Variants in ECHDC1 observed in about 807,000 individuals in gnomAD.
The protein encoded by ECHDC1 is ethylmalonyl-CoA decarboxylase.
In ECHDC1, 29 loss-of-function variants were observed where a neutral mutation model predicts 29.7. The observed-to-expected ratio is 0.98, with a 90% CI of 0.73 to 1.33. The LOEUF (loss-of-function observed/expected upper bound fraction) is 1.33, where lower values mean the gene tolerates loss of function less well. ECHDC1 is among the 40% of genes most tolerant of loss of function. ECHDC1 has a pLI of 0.00. For synonymous variants in ECHDC1, 126 were observed against 123.1 expected, an observed-to-expected ratio of 1.02 and a Z score of -0.15; for missense variants, 328 against 350.0, an observed-to-expected ratio of 0.94 and a Z score of 0.50.
intron 3 of ECHDC1, among the ~76,000 whole-genome samples, chr6:127,321,433 A>G (rs865907312): frequency 3.3e-5 from 5 of 152,222 alleles, no homozygotes; most frequent in African/African-American, 1.2e-4. Flanking sequence ...TCAGCTTTAC[A>G]CAGATTTATA....
At chr6:127,298,866 T>C (rs1780824288) in intron 5 of ECHDC1, among the ~76,000 whole-genome samples, 1 of 151,958 alleles carries the variant, frequency 6.6e-6, no homozygotes. Flanking sequence ...GGTTCGGGTA[T>C]TTACTGTACT....
chr6:127,323,260 A>G (rs1036448059), intron 3 of ECHDC1, among the ~76,000 whole-genome samples: 1 of 152,070 alleles, frequency 6.6e-6, no homozygotes. Flanking sequence ...TGGATAAGGG[A>G]TACTCAACCC....
chr6:127,289,228 A>G lies in ECHDC1; in HGVS notation c.*641T>C, dbSNP rs367579884. ...TCCAGGGCACACAAATGAATGTCCA[A>G]TTGTAGAATCAGTTGACTTTCCATG... is the stretch of plus-strand genomic sequence containing the variant. On this transcript the variant is annotated 3_prime_UTR_variant, in exon 6 of 6. Transcript: ENST00000454859. The G allele has an allele frequency of 1.3e-5, 2 of 152,074 alleles. No individual in the cohort carries two copies. Among genetic ancestry groups the G allele is most frequent in the Non-Finnish European group, 2.9e-5 (2 of 67,986 alleles). 9.4% of individuals were successfully genotyped at this position (152,074 alleles called of 1,614,324 possible). A position where few individuals can be genotyped will look rare whatever the true frequency, so the allele number is the denominator to read the frequency against.
chr6:127,320,220 T>G (rs1782729195), intron 3 of ECHDC1, among the ~76,000 whole-genome samples: 1 of 152,162 alleles, frequency 6.6e-6, no homozygotes, highest in South Asian at 2.1e-4. Flanking sequence ...TTTCACCATG[T>G]TGGCCAGGTT....
intron 5 of ECHDC1, among the ~76,000 whole-genome samples, chr6:127,309,536 C>CAG (rs1781724135): frequency 1.0e-5 from 1 of 95,676 alleles, no homozygotes; most frequent in Non-Finnish European, 2.1e-5. Context: ...CACACACACA[C>CAG]AGGAAAAAAT....
intron 5 of ECHDC1, among the ~76,000 whole-genome samples, chr6:127,290,789 G>GT (rs1179306008): frequency 1.3e-5 from 2 of 152,042 alleles, no homozygotes; most frequent in Non-Finnish European, 2.9e-5. Flanking sequence ...CAAAACCCTT[G>GT]TGCTCAGGAG....
chr6:127,321,740 C>T (rs1233146299), intron 3 of ECHDC1, among the ~76,000 whole-genome samples: 2 of 152,160 alleles, frequency 1.3e-5, no homozygotes, highest in African/African-American at 2.4e-5. Context: ...CAGTGGCTCA[C>T]GCCTGTAATC....
intron 1 of ECHDC1, among the ~76,000 whole-genome samples, chr6:127,332,759 C>T (rs1784076170): frequency 6.6e-6 from 1 of 152,058 alleles, no homozygotes. Flanking sequence ...GTGCATTTGT[C>T]TGAAGTTAGC....
At chr6:127,326,061 T>C (rs9375500) in intron 3 of ECHDC1, among the ~76,000 whole-genome samples, 19,911 of 152,162 alleles carry the variant, frequency 0.13, 2,562 homozygotes, top group East Asian at 0.56. Context: ...GTTTCATTAA[T>C]AGTAAAGTAA....
At position 127,332,681 on chromosome 6, in the gene ECHDC1, C is replaced by T. The variant is rs1784070985; in HGVS notation, c.-2-1651G>A. 2.0e-5 allele frequency among the ~76,000 whole-genome samples: 3 copies of T among 152,104 alleles called. No homozygotes were observed. In the South Asian group the frequency reaches 6.2e-4, roughly 32 times the overall value. ...TACCTCATCAGCCTTCTACTGAATA[C>T]ACAATTTAGTCTGGCTCAGTGAATC... On this transcript the variant is annotated intron_variant, in intron 1 of 5. Transcript: ENST00000454859.
chr6:127,323,060 G>A (rs989023615), intron 3 of ECHDC1, among the ~76,000 whole-genome samples: 3 of 152,012 alleles, frequency 2.0e-5, no homozygotes, highest in Non-Finnish European at 4.4e-5. Context: ...TTTGTTTTGC[G>A]TACAAAATTA....
At chr6:127,308,568 A>G (rs1781631678) in intron 5 of ECHDC1, among the ~76,000 whole-genome samples, 1 of 152,128 alleles carries the variant, frequency 6.6e-6, no homozygotes, top group Non-Finnish European at 1.5e-5. Context: ...GGGAAAAGGT[A>G]AAAGCCTTCT....
intron 5 of ECHDC1, among the ~76,000 whole-genome samples, chr6:127,296,498 ATAAAAAC>A (rs749165560): frequency 1.8e-4 from 28 of 152,312 alleles, no homozygotes; most frequent in Admixed American, 4.6e-4. Flanking sequence ...GCAAAAAAGA[ATAAAAAC>A]AAAAAACAAG....
intron 5 of ECHDC1, among the ~76,000 whole-genome samples, chr6:127,299,814 T>G (rs1780916331): frequency 6.6e-6 from 1 of 152,216 alleles, no homozygotes; most frequent in Non-Finnish European, 1.5e-5. Context: ...TCCTGCAAGC[T>G]CGATTCACCA....
At chr6:127,294,860 A>G (rs1021515446) in intron 5 of ECHDC1, 6 of 87,966 alleles carry the variant, frequency 6.8e-5, no homozygotes, top group Admixed American at 1.4e-4. Context: ...GGGATTTGTT[A>G]TTTTTGAATT....
chr6:127,316,310 G>A (rs956980124), intron 4 of ECHDC1, 140 bp downstream of exon 4: 9 of 637,658 alleles, frequency 1.4e-5, no homozygotes, highest in Non-Finnish European at 2.2e-5. Flanking sequence ...TATCCTCTAC[G>A]GCACAAAAAA....
chr6:127,332,521 C>A (rs762307056), intron 1 of ECHDC1, among the ~76,000 whole-genome samples: 1 of 151,970 alleles, frequency 6.6e-6, no homozygotes, highest in East Asian at 1.9e-4. Flanking sequence ...GTAAGATGTT[C>A]ACTGGTCTGA....
At chr6:127,297,375 CTG>C (rs774063314) in intron 5 of ECHDC1, among the ~76,000 whole-genome samples, 9 of 152,106 alleles carry the variant, frequency 5.9e-5, no homozygotes, top group Non-Finnish European at 1.0e-4. Context: ...AAAATTTAAA[CTG>C]AATGCAAAAA....
At chr6:127,338,900 T>C (rs1784669099) in intron 1 of ECHDC1, among the ~76,000 whole-genome samples, 1 of 152,206 alleles carries the variant, frequency 6.6e-6, no homozygotes, top group African/African-American at 2.4e-5. Context: ...TATGTTCTAT[T>C]TCTTAACCTA....
Sources: gnomAD v4.1 joint callset for allele counts (sites outside exome capture counted in the v4.1 genomes callset) on GRCh38, gnomAD v4.1.1 for gene constraint, MANE v1.5 for transcripts, NCBI Gene and HGNC (gene_info 2026-07-23, HGNC 2026-07-21) for gene names.